SENP6: variants seen among roughly 807,000 people sequenced by gnomAD.
SENP6 encodes the protein SUMO specific peptidase 6, also known as sentrin-specific protease 6.
In SENP6, 41 loss-of-function variants were observed where a neutral mutation model predicts 134.5. That is an observed-to-expected ratio of 0.30 (90% CI 0.24 to 0.40). SENP6 has a LOEUF of 0.40. SENP6 is among the 10% of genes least tolerant of loss of function. The pLI, the probability that SENP6 is intolerant of heterozygous loss-of-function variation, is 1.00. For missense variants in SENP6, 1,248 were observed against 1,312.5 expected (o/e 0.95, Z 0.76); for synonymous variants, 395 against 429.8 (o/e 0.92, Z 1.00).
At chr6:75,639,463 A>G (rs956643464) in intron 5 of SENP6, among the ~76,000 whole-genome samples, 46 of 152,050 alleles carry the variant, frequency 3.0e-4, no homozygotes, top group Admixed American at 1.2e-3. Flanking sequence ...CTAGGATTAA[A>G]TTGGTATTTT....
intron 1 of SENP6, among the ~76,000 whole-genome samples, chr6:75,609,530 A>G (rs952209868): frequency 4.6e-5 from 7 of 152,154 alleles, no homozygotes; most frequent in African/African-American, 1.4e-4. Context: ...GCTATCTTTA[A>G]TCTATACAGC....
At chr6:75,709,684 T>C in intron 20 of SENP6, 54 bp downstream of exon 20, 2 of 1,351,272 alleles carry the variant, frequency 1.5e-6, no homozygotes, top group South Asian at 1.2e-5. Context: ...TTAAAAGTTT[T>C]TCTTGCTGAA....
At chr6:75,680,887 A>G (rs1374088793) in intron 16 of SENP6, among the ~76,000 whole-genome samples, 1 of 152,184 alleles carries the variant, frequency 6.6e-6, no homozygotes, top group Non-Finnish European at 1.5e-5. Flanking sequence ...GTGTGGTGCT[A>G]GAGGAAGTCT....
chr6:75,711,314 G>A lies in SENP6; in HGVS notation c.2821-14G>A. 1.9e-6 allele frequency: 3 copies of A among 1,590,646 alleles called. No homozygotes were observed. The highest frequency in any genetic ancestry group is 2.6e-6 in the Non-Finnish European group (3 of 1,160,744). On this transcript the variant is annotated splice_polypyrimidine_tract_variant and intron_variant, in intron 20 of 23. Coordinates refer to ENST00000447266, the MANE Select transcript of SENP6 (RefSeq NM_015571.4). ...TATATATTTTCAGTATTAACAGTAGGCTGTCTTTTATAGGATGATAGCAGT... is the reference window on the plus strand; with the variant it reads ...TATATATTTTCAGTATTAACAGTAGACTGTCTTTTATAGGATGATAGCAGT...
At chr6:75,616,092 C>G (rs1330940800) in intron 1 of SENP6, among the ~76,000 whole-genome samples, 1 of 152,138 alleles carries the variant, frequency 6.6e-6, no homozygotes, top group Admixed American at 6.5e-5. Context: ...TTTTCTTCCT[C>G]TTTCCATTAT....
intron 19 of SENP6, among the ~76,000 whole-genome samples, chr6:75,705,280 CT>C (rs1562072359): frequency 6.6e-6 from 1 of 152,140 alleles, no homozygotes; most frequent in African/African-American, 2.4e-5. Flanking sequence ...GGTGTGGTGG[CT>C]CACGCCTGTA....
intron 6 of SENP6, among the ~76,000 whole-genome samples, chr6:75,642,397 T>G (rs923434303): frequency 6.6e-6 from 1 of 152,232 alleles, no homozygotes; most frequent in Non-Finnish European, 1.5e-5. Context: ...CTCTTTACTA[T>G]GAAGCTAACA....
intron 6 of SENP6, among the ~76,000 whole-genome samples, chr6:75,645,498 T>G (rs1770362399): frequency 6.6e-6 from 1 of 152,098 alleles, no homozygotes; most frequent in African/African-American, 2.4e-5. Context: ...ACACGTGTAA[T>G]CCCAGCTACT....
chr6:75,689,631 A>G (rs1018247045), intron 16 of SENP6, among the ~76,000 whole-genome samples: 3 of 152,214 alleles, frequency 2.0e-5, no homozygotes, highest in African/African-American at 7.2e-5. Flanking sequence ...TAGTGAGCCC[A>G]TAAGATTATA....
At chr6:75,662,395 A>C (rs978730684) in intron 8 of SENP6, among the ~76,000 whole-genome samples, 1 of 151,938 alleles carries the variant, frequency 6.6e-6, no homozygotes, top group Admixed American at 6.6e-5. Context: ...TCAGCCTCCC[A>C]ATGTGTTGGG....
chr6:75,673,416 C>T (rs1170029385), intron 11 of SENP6, among the ~76,000 whole-genome samples: 2 of 150,380 alleles, frequency 1.3e-5, no homozygotes, highest in Non-Finnish European at 3.0e-5. Flanking sequence ...CTCCACCTCA[C>T]GGGTTCCGGC....
Position 75,715,570 on chromosome 6 carries a change from A to G in SENP6, c.3315A>G (p.Gln1105=). 2 of 1,611,558 alleles carry G rather than the reference A, an allele frequency of 1.2e-6. No homozygotes were observed. Among genetic ancestry groups the G allele is most frequent in the Non-Finnish European group, 1.7e-6 (2 of 1,178,272 alleles). The part of the protein sequence containing the change: ...TEAPLGEGTE[Q]YVNSISD The stretch of plus-strand genomic sequence containing the variant: ...CACCTTTAGGCGAAGGAACAGAACA[A>G]TATGTCAATAGTATCTCAGATTGAC... The change falls in exon 24 of 24, where the codon CAA becomes CAG. Residue 1105 remains glutamine (Q), a synonymous_variant. Coordinates refer to ENST00000447266, the MANE Select transcript of SENP6 (RefSeq NM_015571.4).
intron 18 of SENP6, 140 bp downstream of exon 18, chr6:75,697,657 G>A (rs1382575622): frequency 6.7e-6 from 4 of 593,472 alleles, no homozygotes; most frequent in East Asian, 2.8e-5. Flanking sequence ...TGTACTGCCT[G>A]TTTTACAAGA....
chr6:75,696,260 G>A (rs1774655252), intron 17 of SENP6, among the ~76,000 whole-genome samples: 1 of 152,098 alleles, frequency 6.6e-6, no homozygotes, highest in African/African-American at 2.4e-5. Flanking sequence ...ATTTATAAAT[G>A]TTCTGGGTCA....
At chr6:75,642,666 G>A (rs1770118242) in intron 6 of SENP6, among the ~76,000 whole-genome samples, 1 of 152,194 alleles carries the variant, frequency 6.6e-6, no homozygotes, top group Admixed American at 6.5e-5. Context: ...TTATATTAGT[G>A]CGATAGAAGC....
At chr6:75,622,818 A>C (rs1206026665) in intron 2 of SENP6, 1 of 1,288,728 alleles carries the variant, frequency 7.8e-7, no homozygotes, top group Admixed American at 2.3e-5. Context: ...CACCGATGAG[A>C]TGTTGATTTG....
chr6:75,704,503 C>T (rs1373905974), intron 19 of SENP6, among the ~76,000 whole-genome samples: 2 of 152,192 alleles, frequency 1.3e-5, no homozygotes, highest in Admixed American at 6.5e-5. Context: ...TGCCATAGGG[C>T]GGTTTTTCTC....
chr6:75,703,069 A>G lies in SENP6; in HGVS notation c.2713A>G (p.Thr905Ala). Residue 905 changes from threonine to alanine, a missense_variant, in exon 19 of 24, where the codon ACA becomes GCA. Thr to Ala is a moderately conservative substitution (Grantham distance 58, BLOSUM62 0). This residue lies in a region of SENP6 where 386 missense variants were observed against 395.0 expected (regional missense o/e 0.98). Coordinates refer to ENST00000447266, the MANE Select transcript of SENP6 (RefSeq NM_015571.4). ...QNESLSSTHH[T>A]DGLSKIRLNY... Reference sequence around the variant, plus strand: ...TGAAAGTTTAAGTTCCACACATCATACAGGTATGTATCTAAATGTTTTGAA... The same window carrying G: ...TGAAAGTTTAAGTTCCACACATCATGCAGGTATGTATCTAAATGTTTTGAA... The G allele has an allele frequency of 6.3e-7, 1 of 1,589,482 alleles. No individual in the cohort carries two copies. The highest frequency in any genetic ancestry group is 8.6e-7 in the Non-Finnish European group (1 of 1,167,924).
chr6:75,701,537 C>T (rs1775025626), intron 18 of SENP6, among the ~76,000 whole-genome samples: 1 of 149,072 alleles, frequency 6.7e-6, no homozygotes, highest in Non-Finnish European at 1.5e-5. Flanking sequence ...ATCTTAATAA[C>T]ACACAGTAAC....
Sources: allele counts gnomAD v4.1 joint callset (sites outside exome capture counted in the v4.1 genomes callset), GRCh38; gene constraint gnomAD v4.1.1; regional missense constraint gnomAD v4.1.1; transcripts MANE v1.5; gene names NCBI Gene and HGNC (gene_info 2026-07-23, HGNC 2026-07-21).